Variants in MSRB3 observed in about 807,000 individuals in gnomAD.
MSRB3 encodes the protein methionine sulfoxide reductase B3, also known as methionine-R-sulfoxide reductase B3.
A neutral mutation model predicts 21.0 loss-of-function variants in MSRB3; 13 were observed. That is an observed-to-expected ratio of 0.62 (90% CI 0.40 to 0.98). MSRB3 has a LOEUF of 0.98. Among genes scored for constraint, MSRB3 ranks in the 50% least tolerant of loss-of-function variants. MSRB3 has a pLI of 0.00. For synonymous variants in MSRB3, 87 were observed against 88.6 expected (o/e 0.98, Z 0.10); for missense variants, 199 against 230.3 (o/e 0.86, Z 0.88).
intron 1 of MSRB3, among the ~76,000 whole-genome samples, chr12:65,287,789 G>A (rs1038180308): frequency 6.6e-6 from 1 of 152,140 alleles, no homozygotes; most frequent in Admixed American, 6.5e-5. Flanking sequence ...TGCGTGCAGA[G>A]CCACTTGAAA....
At chr12:65,359,006 T>G (rs1283471240) in intron 4 of MSRB3, among the ~76,000 whole-genome samples, 3 of 151,556 alleles carry the variant, frequency 2.0e-5, no homozygotes, top group Non-Finnish European at 4.4e-5. Flanking sequence ...AACCCCCAAA[T>G]TATTAACTAA....
intron 5 of MSRB3, among the ~76,000 whole-genome samples, chr12:65,399,930 C>A (rs1308009543): frequency 6.6e-6 from 1 of 152,138 alleles, no homozygotes; most frequent in Admixed American, 6.6e-5. Flanking sequence ...GTCGAACCAG[C>A]CTTGCATCCC....
chr12:65,453,291 G>C (rs1379915441), intron 5 of MSRB3, among the ~76,000 whole-genome samples: 3 of 152,176 alleles, frequency 2.0e-5, no homozygotes, highest in Non-Finnish European at 4.4e-5. Context: ...GAAAAAGCTT[G>C]CTTTCTAAGG....
chr12:65,366,394 G>A (rs953928580), intron 4 of MSRB3, among the ~76,000 whole-genome samples: 3 of 152,170 alleles, frequency 2.0e-5, no homozygotes, highest in Admixed American at 1.3e-4. Flanking sequence ...TTTGGGTAGA[G>A]AATGATGGTG....
intron 5 of MSRB3, among the ~76,000 whole-genome samples, chr12:65,387,957 G>A (rs1420593132): frequency 6.6e-6 from 1 of 152,048 alleles, no homozygotes; most frequent in Non-Finnish European, 1.5e-5. Flanking sequence ...ACAACAAAGA[G>A]TATAAAAATA....
At chr12:65,420,998 G>A (rs1881265101) in intron 5 of MSRB3, among the ~76,000 whole-genome samples, 1 of 151,722 alleles carries the variant, frequency 6.6e-6, no homozygotes, top group South Asian at 2.1e-4. Context: ...GAAACTGCTG[G>A]GTGTAATGGT....
chr12:65,327,591 G>A (rs1461554782), intron 3 of MSRB3, among the ~76,000 whole-genome samples: 2 of 152,188 alleles, frequency 1.3e-5, no homozygotes, highest in Admixed American at 1.3e-4. Context: ...AAGGTCCGAC[G>A]ACTTTGTTGT....
intron 5 of MSRB3, among the ~76,000 whole-genome samples, chr12:65,413,720 A>G (rs1198338062): frequency 6.6e-6 from 1 of 152,196 alleles, no homozygotes; most frequent in Admixed American, 6.5e-5. Flanking sequence ...AGACAGGCAG[A>G]CAATTAAAGA....
chr12:65,403,107 C>G (rs983193462), intron 5 of MSRB3, among the ~76,000 whole-genome samples: 1 of 152,216 alleles, frequency 6.6e-6, no homozygotes, highest in Non-Finnish European at 1.5e-5. Flanking sequence ...AGGAGGCAGT[C>G]TGTCCCTTAC....
chr12:65,358,077 C>T (rs376126912), intron 4 of MSRB3, among the ~76,000 whole-genome samples: 28 of 151,924 alleles, frequency 1.8e-4, no homozygotes, highest in African/African-American at 2.4e-4. Flanking sequence ...CCTCTACAAG[C>T]GAGAGAAGTC....
intron 5 of MSRB3, among the ~76,000 whole-genome samples, chr12:65,394,866 A>G (rs1181808354): frequency 6.6e-6 from 1 of 152,228 alleles, no homozygotes; most frequent in Non-Finnish European, 1.5e-5. Context: ...AAACCTGACA[A>G]TCTTTCATGA....
At chr12:65,327,286 A>G (rs1356846340) in intron 3 of MSRB3, among the ~76,000 whole-genome samples, 1 of 152,274 alleles carries the variant, frequency 6.6e-6, no homozygotes, top group African/African-American at 2.4e-5. Flanking sequence ...CTATGCCAGG[A>G]TGCTGAAATT....
chr12:65,422,731 A>T (rs1422135431), intron 5 of MSRB3, among the ~76,000 whole-genome samples: 1 of 151,636 alleles, frequency 6.6e-6, no homozygotes, highest in African/African-American at 2.4e-5. Flanking sequence ...CAATATTTTA[A>T]ATCAATGTTT....
chr12:65,418,837 C>G, intron 5 of MSRB3: 1 of 885,516 alleles, frequency 1.1e-6, no homozygotes, highest in Non-Finnish European at 1.9e-6. Flanking sequence ...CAAGGCATCA[C>G]CAAGACTGAA....
At chr12:65,416,372 G>A (rs578159077) in intron 5 of MSRB3, among the ~76,000 whole-genome samples, 1 of 152,134 alleles carries the variant, frequency 6.6e-6, no homozygotes. Flanking sequence ...CTATCCATTA[G>A]GTACTGCAGG....
intron 5 of MSRB3, among the ~76,000 whole-genome samples, chr12:65,421,622 C>A (rs916861933): frequency 2.6e-5 from 4 of 152,090 alleles, no homozygotes; most frequent in African/African-American, 9.7e-5. Flanking sequence ...TTATATCCAG[C>A]TAAACTAAGC....
At chr12:65,410,964 C>A (rs560919748) in intron 5 of MSRB3, among the ~76,000 whole-genome samples, 1 of 152,202 alleles carries the variant, frequency 6.6e-6, no homozygotes, top group South Asian at 2.1e-4. Context: ...TGTGAAACTA[C>A]CCCACCCCCA....
At chr12:65,451,945 G>T in intron 5 of MSRB3, among the ~76,000 whole-genome samples, 1 of 152,146 alleles carries the variant, frequency 6.6e-6, no homozygotes, top group East Asian at 1.9e-4. Flanking sequence ...TGCCTTCAAG[G>T]TGTTCACTAA....
At chr12:65,328,392 C>T in intron 3 of MSRB3, 134 bp from the exon 4 acceptor site, 4 of 659,786 alleles carry the variant, frequency 6.1e-6, no homozygotes, top group South Asian at 1.8e-5. Flanking sequence ...TTCAGATTTC[C>T]ATATGTTTGG....
Sources: gnomAD v4.1 joint callset for allele counts (sites outside exome capture counted in the v4.1 genomes callset) on GRCh38, gnomAD v4.1.1 for gene constraint, MANE v1.5 for transcripts, NCBI Gene and HGNC (gene_info 2026-07-23, HGNC 2026-07-21) for gene names.